Variants in DNAJB7 observed in about 807,000 individuals in gnomAD.
The protein encoded by DNAJB7 is dnaJ homolog subfamily B member 7.
Under a neutral mutation model 1.2 loss-of-function variants are expected in DNAJB7, and 1 was observed. The ratio of observed to expected loss-of-function variants is 0.84; its 90% CI spans 0.30 to 4.01. DNAJB7 has a LOEUF of 4.01. DNAJB7 is among the 30% of genes most tolerant of loss of function. The pLI is 0.18. For missense variants in DNAJB7, 420 were observed against 358.5 expected (o/e 1.17, Z -1.39); for synonymous variants, 128 against 127.7 (o/e 1.00, Z -0.01).
Position 40,860,987 on chromosome 22 carries a change from TAA to T in DNAJB7, c.*76_*77del. On this transcript the variant is annotated 3_prime_UTR_variant, in exon 1 of 1. Transcript: ENST00000307221. ...TGTTGAAAAGCTCTTAGTATAGTATTAAGTGTTATCTACAAAATTTGTGATTA... is the reference window on the plus strand; with the variant it reads ...TGTTGAAAAGCTCTTAGTATAGTATTGTGTTATCTACAAAATTTGTGATTA... 23 of 1,353,014 alleles carry T rather than the reference TAA, an allele frequency of 1.7e-5. No homozygotes were observed. The highest frequency in any genetic ancestry group is 9.9e-5 in the South Asian group (7 of 70,454). 83.8% of individuals were successfully genotyped at this position (1,353,014 alleles called of 1,614,324 possible).
chr22:40,861,467 A>G lies in DNAJB7; in HGVS notation c.528T>C (p.Phe176=), dbSNP rs377465509. Residue 176 remains phenylalanine, a synonymous_variant, in exon 1 of 1, where the codon TTT becomes TTC. Transcript: ENST00000307221. ...TGTAGTTGTCCATCCCACTATTATC[A>G]AAAGCCAGGGAAGAGAAAGAAGTAA... The part of the protein sequence containing the change: ...EGLTSFSSLA[F]DNSGMDNYIS... 2.5e-6 allele frequency: 4 copies of G among 1,614,058 alleles called. No homozygotes were observed. The highest frequency in any genetic ancestry group is 1.3e-5 in the African/African-American group (1 of 74,936).
In DNAJB7 at chr22:40,859,980, A is replaced by G. The variant is rs1021616703; in HGVS notation, c.*1085T>C. The stretch of plus-strand genomic sequence containing the variant: ...GTGATTCACTGATGGCCTACCATAC[A>G]GACTGCTCTGAGGAATTCAGGATAA... On this transcript the variant is annotated 3_prime_UTR_variant, in exon 1 of 1. Transcript: ENST00000307221. 6.6e-6 allele frequency: 1 copy of G among 152,242 alleles called. No individual in the cohort carries two copies. Among genetic ancestry groups the G allele is most frequent in the Non-Finnish European group, 1.5e-5 (1 of 68,042 alleles). The allele number at this position is 152,242 out of a possible 1,614,324, so 9.4% of individuals were successfully genotyped here.
rs759749903 is a variant in DNAJB7, at chr22:40,861,505, C to T, written c.490G>A (p.Gly164Arg). 22 of 1,613,996 alleles carry T rather than the reference C, an allele frequency of 1.4e-5. No homozygotes were observed. Among genetic ancestry groups the T allele is most frequent in the Non-Finnish European group, 1.5e-5 (18 of 1,180,020 alleles). The change falls in exon 1 of 1, where the codon GGG (glycine) becomes AGG (arginine). Residue 164 changes from glycine (G) to arginine (R), a missense_variant. By Grantham distance (125) the Gly-to-Arg change is moderately radical. Transcript: ENST00000307221. ...DTGYTSQGSL[G>R]HEGLTSFSSL... The stretch of plus-strand genomic sequence containing the variant: ...GAGAAAGAAGTAAGGCCTTCATGCC[C>T]CAATGAACCCTGTGATGTATATCCT...
Position 40,860,055 on chromosome 22 carries a change from A to T in DNAJB7, c.*1010T>A. 6.6e-6 allele frequency: 1 copy of T among 152,166 alleles called. No individual in the cohort carries two copies. Among genetic ancestry groups the T allele is most frequent in the Non-Finnish European group, 1.5e-5 (1 of 68,020 alleles). The allele number at this position is 152,166 out of a possible 1,614,324, so 9.4% of individuals were successfully genotyped here. A position where few individuals can be genotyped will look rare whatever the true frequency, so the allele number is the denominator to read the frequency against. ...TAAAATATACTACATAAAATTTACC[A>T]TGTTACCCGTTTTTTAATTTTTTAA... On this transcript the variant is annotated 3_prime_UTR_variant, in exon 1 of 1. Coordinates refer to ENST00000307221, the MANE Select transcript of DNAJB7 (RefSeq NM_145174.2).
rs1051623971 is a variant in DNAJB7, at chr22:40,861,461, A to G, written c.534T>C (p.Asn178=). The G allele has an allele frequency of 7.4e-6, 12 of 1,614,068 alleles. No individual in the cohort carries two copies. In the African/African-American group the frequency reaches 9.3e-5, roughly 13 times the overall value. Residue 178 remains asparagine, a synonymous_variant, in exon 1 of 1, where the codon AAT becomes AAC. Transcript: ENST00000307221. The stretch of plus-strand genomic sequence containing the variant: ...CAGATATGTAGTTGTCCATCCCACT[A>G]TTATCAAAAGCCAGGGAAGAGAAAG... ...LTSFSSLAFD[N]SGMDNYISVT...
Position 40,861,828 on chromosome 22 carries a change from A to G in DNAJB7, c.167T>C (p.Leu56Ser), listed in dbSNP as rs758064873. 1 of 1,612,130 alleles carries G rather than the reference A, an allele frequency of 6.2e-7. No homozygotes were observed. The highest frequency in any genetic ancestry group is 1.1e-5 in the South Asian group (1 of 90,986). The stretch of plus-strand genomic sequence containing the variant: ...AATGTCCCGTTTCTCATCATTTGAT[A>G]ATACCTCGTATGCCTCAGCTACTTC... Reference protein sequence around the residue: ...FKEVAEAYEVLSNDEKRDIYD... With the variant: ...FKEVAEAYEVSSNDEKRDIYD... Residue 56 changes from leucine to serine, a missense_variant, in exon 1 of 1, where the codon TTA becomes TCA. Leu to Ser is a moderately radical substitution (Grantham distance 145, BLOSUM62 -2). Coordinates refer to ENST00000307221, the MANE Select transcript of DNAJB7 (RefSeq NM_145174.2).
chr22:40,861,430 T>A lies in DNAJB7; in HGVS notation c.565A>T (p.Thr189Ser). The part of the protein sequence containing the change: ...SGMDNYISVT[T>S]SDKIVNGRNI... ...CTGCCATTAACGATTTTGTCTGAAG[T>A]TGTAACAGATATGTAGTTGTCCATC... Residue 189 changes from threonine to serine, a missense_variant, in exon 1 of 1, where the codon ACT becomes TCT. Coordinates refer to ENST00000307221, the MANE Select transcript of DNAJB7 (RefSeq NM_145174.2). 6.2e-7 allele frequency: 1 copy of A among 1,613,922 alleles called. No individual in the cohort carries two copies. The highest frequency in any genetic ancestry group is 8.5e-7 in the Non-Finnish European group (1 of 1,179,988).
In DNAJB7 at chr22:40,861,144, G is replaced by A; in HGVS notation, c.851C>T (p.Ala284Val). The A allele has an allele frequency of 4.3e-6, 7 of 1,613,850 alleles. No individual in the cohort carries two copies. The highest frequency in any genetic ancestry group is 5.1e-6 in the Non-Finnish European group (6 of 1,179,974). The change falls in exon 1 of 1, where the codon GCA (alanine) becomes GTA (valine). Residue 284 changes from alanine (A) to valine (V), a missense_variant. Transcript: ENST00000307221. ...TSNRDPPIFS[A>V]GVKEGGKRKK... ...CCTCTTACCACCCTCTTTGACTCCT[G>A]CTGAGAAAATAGGGGGATCTCTGTT...
chr22:40,860,813 G>T lies in DNAJB7; in HGVS notation c.*252C>A, dbSNP rs2057939415. The T allele has an allele frequency of 9.4e-6, 6 of 635,292 alleles. No individual in the cohort carries two copies. Among genetic ancestry groups the T allele is most frequent in the African/African-American group, 1.9e-5 (1 of 53,660 alleles). The allele number at this position is 635,292 out of a possible 1,614,324, so 39.4% of individuals were successfully genotyped here. A position where few individuals can be genotyped will look rare whatever the true frequency, so the allele number is the denominator to read the frequency against. On this transcript the variant is annotated 3_prime_UTR_variant, in exon 1 of 1. Coordinates refer to ENST00000307221, the MANE Select transcript of DNAJB7 (RefSeq NM_145174.2). ...CTACAGGTGCACACCACCACACTTG[G>T]CTAATTTTTAAATTTTTTGTAGAGA...
At position 40,861,047 on chromosome 22, in the gene DNAJB7, T is replaced by A. The variant is rs9623257; in HGVS notation, c.*18A>T. On this transcript the variant is annotated 3_prime_UTR_variant, in exon 1 of 1. Transcript: ENST00000307221. ...CACACACAATTGTGTTCAAATGTTA[T>A]ATATTTGAAGAGTCAATTTAACAAT... 2 of 1,555,082 alleles carry A rather than the reference T, an allele frequency of 1.3e-6. No homozygotes were observed. Among genetic ancestry groups the A allele is most frequent in the Non-Finnish European group, 8.7e-7 (1 of 1,153,436 alleles).
Position 40,860,990 on chromosome 22 carries a change from G to T in DNAJB7, c.*75C>A. 2 of 1,365,910 alleles carry T rather than the reference G, an allele frequency of 1.5e-6. No individual in the cohort carries two copies. The highest frequency in any genetic ancestry group is 2.0e-6 in the Non-Finnish European group (2 of 1,000,712). The allele number at this position is 1,365,910 out of a possible 1,614,324, so 84.6% of individuals were successfully genotyped here. A position where few individuals can be genotyped will look rare whatever the true frequency, so the allele number is the denominator to read the frequency against. ...TGAAAAGCTCTTAGTATAGTATTAA[G>T]TGTTATCTACAAAATTTGTGATTAA... On this transcript the variant is annotated 3_prime_UTR_variant, in exon 1 of 1. Transcript: ENST00000307221.
chr22:40,860,707 C>T lies in DNAJB7; in HGVS notation c.*358G>A. The T allele has an allele frequency of 9.6e-7, 1 of 1,045,168 alleles. No individual in the cohort carries two copies. The highest frequency in any genetic ancestry group is 1.4e-6 in the Non-Finnish European group (1 of 724,508). The allele number at this position is 1,045,168 out of a possible 1,614,324, so 64.7% of individuals were successfully genotyped here. A position where few individuals can be genotyped will look rare whatever the true frequency, so the allele number is the denominator to read the frequency against. ...TTACTTTGTCACCCAAGCTGGAGTGCAGTGGCGTGATCCCATTACACTGCA... is the reference window on the plus strand; with the variant it reads ...TTACTTTGTCACCCAAGCTGGAGTGTAGTGGCGTGATCCCATTACACTGCA... On this transcript the variant is annotated 3_prime_UTR_variant, in exon 1 of 1. Transcript: ENST00000307221.
rs1490645649 is a variant in DNAJB7, at chr22:40,861,193, C to T, written c.802G>A (p.Gly268Arg). ...SQYTFVDNDE[G>R]GISWVTSNRD... ...TTGCTGGTAACCCAAGATATACCTC[C>T]CTCATCATTGTCCACGAAAGTATAT... The change falls in exon 1 of 1, where the codon GGA becomes AGA. Residue 268 changes from glycine to arginine, a missense_variant. Coordinates refer to ENST00000307221, the MANE Select transcript of DNAJB7 (RefSeq NM_145174.2). 1.2e-6 allele frequency: 2 copies of T among 1,614,056 alleles called. No individual in the cohort carries two copies. Among genetic ancestry groups the T allele is most frequent in the East Asian group, 2.2e-5 (1 of 44,864 alleles).
At position 40,862,020 on chromosome 22, in the gene DNAJB7, T is replaced by C. The variant is rs1272308359; in HGVS notation, c.-26A>G. 6.4e-7 allele frequency: 1 copy of C among 1,559,508 alleles called. No individual in the cohort carries two copies. Among genetic ancestry groups the C allele is most frequent in the Non-Finnish European group, 8.6e-7 (1 of 1,158,504 alleles). ...GTTTTAACAGATAGTTGGAAGTGGG[T>C]GTGCTGGGTATTGAGAACCGTGGTT... is the stretch of plus-strand genomic sequence containing the variant. On this transcript the variant is annotated 5_prime_UTR_variant, in exon 1 of 1. Transcript: ENST00000307221.
In DNAJB7 at chr22:40,860,704, G is replaced by C. The variant is rs1601484587; in HGVS notation, c.*361C>G. 1 of 1,043,538 alleles carries C rather than the reference G, an allele frequency of 9.6e-7. No homozygotes were observed. The highest frequency in any genetic ancestry group is 1.6e-5 in the South Asian group (1 of 64,454). 64.6% of individuals were successfully genotyped at this position (1,043,538 alleles called of 1,614,324 possible). ...GTCTTACTTTGTCACCCAAGCTGGA[G>C]TGCAGTGGCGTGATCCCATTACACT... On this transcript the variant is annotated 3_prime_UTR_variant, in exon 1 of 1. Transcript: ENST00000307221.
Position 40,861,131 on chromosome 22 carries a change from C to T in DNAJB7, c.864G>A (p.Glu288=). Residue 288 remains glutamate (E), a synonymous_variant, in exon 1 of 1, where the codon GAG becomes GAA. Transcript: ENST00000307221. ...DPPIFSAGVK[E]GGKRKKKKRK... Reference sequence around the variant, plus strand: ...GCTTCTTTTTTTTCCTCTTACCACCCTCTTTGACTCCTGCTGAGAAAATAG... The same window carrying T: ...GCTTCTTTTTTTTCCTCTTACCACCTTCTTTGACTCCTGCTGAGAAAATAG... 5 of 1,613,816 alleles carry T rather than the reference C, an allele frequency of 3.1e-6. No individual in the cohort carries two copies. Among genetic ancestry groups the T allele is most frequent in the Non-Finnish European group, 2.5e-6 (3 of 1,179,934 alleles).
Position 40,861,889 on chromosome 22 carries a change from G to A in DNAJB7, c.106C>T (p.Pro36Ser), listed in dbSNP as rs561520701. The part of the protein sequence containing the change: ...VALKWHPDKN[P>S]ENKEEAERKF... The stretch of plus-strand genomic sequence containing the variant: ...CTCTCTGCTTCTTCTTTATTTTCTG[G>A]ATTTTTATCAGGGTGCCATTTAAGT... The change falls in exon 1 of 1, where the codon CCA (proline) becomes TCA (serine). Residue 36 changes from proline to serine, a missense_variant. Physicochemically the swap from Pro to Ser is moderately conservative, Grantham distance 74. Coordinates refer to ENST00000307221, the MANE Select transcript of DNAJB7 (RefSeq NM_145174.2). The A allele has an allele frequency of 1.9e-6, 3 of 1,613,650 alleles. No individual in the cohort carries two copies. The highest frequency in any genetic ancestry group is 1.1e-5 in the South Asian group (1 of 91,040).
Position 40,861,746 on chromosome 22 carries a change from TTCA to T in DNAJB7, c.246_248del (p.Asp82del). The stretch of plus-strand genomic sequence containing the variant: ...TATGGAATGTGAAGCCGTACTCACA[TTCA>T]TCATCAAAATGACTTCCACCTCCGT... On this transcript the variant is annotated inframe_deletion, in exon 1 of 1. Transcript: ENST00000307221. 1 of 1,613,564 alleles carries T rather than the reference TTCA, an allele frequency of 6.2e-7. No homozygotes were observed. Among genetic ancestry groups the T allele is most frequent in the Non-Finnish European group, 8.5e-7 (1 of 1,179,900 alleles).
chr22:40,860,636 C>G lies in DNAJB7; in HGVS notation c.*429G>C. On this transcript the variant is annotated 3_prime_UTR_variant, in exon 1 of 1. Transcript: ENST00000307221. ...AAGAAAAATTCAAAAGTAAAAAACT[C>G]ATTGCAGTTTTCCAAATTCCTTTTT... is the stretch of plus-strand genomic sequence containing the variant. 2 of 1,298,142 alleles carry G rather than the reference C, an allele frequency of 1.5e-6. No individual in the cohort carries two copies. Among genetic ancestry groups the G allele is most frequent in the Non-Finnish European group, 2.1e-6 (2 of 967,416 alleles). 80.4% of individuals were successfully genotyped at this position (1,298,142 alleles called of 1,614,324 possible). A position where few individuals can be genotyped will look rare whatever the true frequency, so the allele number is the denominator to read the frequency against.
Sources: allele counts gnomAD v4.1 joint callset, GRCh38; gene constraint gnomAD v4.1.1; transcripts MANE v1.5; gene names NCBI Gene and HGNC (gene_info 2026-07-23, HGNC 2026-07-21).